The following TBX15 variants were observed in gnomAD, a reference collection of about 807,000 sequenced individuals.
TBX15 encodes T-box transcription factor TBX15.
In TBX15, 18 loss-of-function variants were observed where a neutral mutation model predicts 53.9. The ratio of observed to expected loss-of-function variants is 0.33; its 90% CI spans 0.23 to 0.49. The LOEUF (loss-of-function observed/expected upper bound fraction) is 0.49, where lower values mean the gene tolerates loss of function less well. Among genes scored for constraint, TBX15 ranks in the 20% least tolerant of loss-of-function variants. TBX15 has a pLI of 0.98. For missense variants in TBX15, 692 were observed against 749.5 expected, an observed-to-expected ratio of 0.92 and a Z score of 0.90; for synonymous variants, 295 against 278.0, an observed-to-expected ratio of 1.06 and a Z score of -0.61.
intron 6 of TBX15, among the ~76,000 whole-genome samples, chr1:118,912,221 G>A (rs1655048826): frequency 6.6e-6 from 1 of 152,004 alleles, no homozygotes; most frequent in South Asian, 2.1e-4. Context: ...ACAGAAGGAA[G>A]GAAAAAGAAA....
chr1:118,959,816 C>T (rs1385112772), intron 1 of TBX15, among the ~76,000 whole-genome samples: 1 of 152,142 alleles, frequency 6.6e-6, no homozygotes, highest in African/African-American at 2.4e-5. Flanking sequence ...TCCAAAGATG[C>T]TCTGATTACA....
chr1:118,885,632 A>G, intron 7 of TBX15, 116 bp from the exon 8 acceptor site: 1 of 1,305,522 alleles, frequency 7.7e-7, no homozygotes, highest in South Asian at 1.3e-5. Flanking sequence ...GCTGATTTTT[A>G]CAGAACCATT....
chr1:118,959,151 T>A (rs1656786807), intron 1 of TBX15, among the ~76,000 whole-genome samples: 1 of 150,718 alleles, frequency 6.6e-6, no homozygotes. Context: ...TGGAATAGAG[T>A]GGGAAATGTC....
At chr1:118,927,501 A>T (rs940938822) in intron 2 of TBX15, among the ~76,000 whole-genome samples, 1 of 152,234 alleles carries the variant, frequency 6.6e-6, no homozygotes, top group Non-Finnish European at 1.5e-5. Context: ...AAGAGCCACC[A>T]AGATTTTTTA....
chr1:118,887,933 A>C (rs1395322433), intron 7 of TBX15, among the ~76,000 whole-genome samples: 1 of 152,228 alleles, frequency 6.6e-6, no homozygotes, highest in Non-Finnish European at 1.5e-5. Flanking sequence ...GACAAAGCCT[A>C]ACTAATAACG....
At chr1:118,920,397 G>C (rs1353026678) in intron 5 of TBX15, among the ~76,000 whole-genome samples, 2 of 152,120 alleles carry the variant, frequency 1.3e-5, no homozygotes, top group African/African-American at 4.8e-5. Flanking sequence ...AAACAAAAGG[G>C]AAGGGCATTC....
rs1653901759 is a variant in TBX15 at position 118,885,351 on chromosome 1, G to C, written c.1190C>G (p.Ser397Cys). Residue 397 changes from serine to cysteine, a missense_variant, in exon 8 of 8, where the codon TCT (serine) becomes TGT (cysteine). Ser to Cys is a moderately radical substitution (Grantham distance 112). Around this residue, in one of 3 missense-constraint regions of TBX15, gnomAD observed 375 missense variants for 371.6 expected, o/e 1.01. Coordinates refer to ENST00000369429, the MANE Select transcript of TBX15 (RefSeq NM_001330677.2). ...RESQLCNLNLSDYPPCARSNM... is the reference protein window; with the variant it reads ...RESQLCNLNLCDYPPCARSNM... ...GCTTCGGGCACATGGTGGATAATCA[G>C]AGAGGTTTAGATTACACAGCTGGCT... 6.2e-7 allele frequency: 1 copy of C among 1,613,910 alleles called. No individual in the cohort carries two copies. Among genetic ancestry groups the C allele is most frequent in the Non-Finnish European group, 8.5e-7 (1 of 1,180,034 alleles).
At chr1:118,983,381 G>C (rs1050188083) in intron 1 of TBX15, among the ~76,000 whole-genome samples, 6 of 152,146 alleles carry the variant, frequency 3.9e-5, no homozygotes, top group African/African-American at 1.4e-4. Flanking sequence ...GCCGGGGCCG[G>C]AGTTTTACAT....
At position 118,903,092 on chromosome 1, in the gene TBX15, C is replaced by T. The variant is rs182687349; in HGVS notation, c.927-3967G>A. On this transcript the variant is annotated intron_variant, in intron 6 of 7. Coordinates refer to ENST00000369429, the MANE Select transcript of TBX15 (RefSeq NM_001330677.2). Reference sequence around the variant, plus strand: ...TGTCCCCCTCTTGCTCATTTTTTCCCTGTTAGCTCCATTGACAACATAGGC... The same window carrying T: ...TGTCCCCCTCTTGCTCATTTTTTCCTTGTTAGCTCCATTGACAACATAGGC... Among the ~76,000 whole-genome samples the T allele has an allele frequency of 6.6e-4, 101 of 152,186 alleles. No individual in the cohort carries two copies. In the Middle Eastern group the frequency reaches 0.017, roughly 26 times the overall value.
rs76285503 is a variant in TBX15 at position 118,905,916 on chromosome 1, A to G, written c.927-6791T>C. On this transcript the variant is annotated intron_variant, in intron 6 of 7. Coordinates refer to ENST00000369429, the MANE Select transcript of TBX15 (RefSeq NM_001330677.2). ...GGAGCCAGAGGTGGACAAAGATACA[A>G]TTTCTGTTAACTAGCAAGCTATGCC... is the stretch of plus-strand genomic sequence containing the variant. Among the ~76,000 whole-genome samples, 393 of 152,304 alleles carry G rather than the reference A, an allele frequency of 2.6e-3. 1 individual carries two copies. Among genetic ancestry groups the G allele is most frequent in the African/African-American group, 9.0e-3 (373 of 41,568 alleles).
intron 5 of TBX15, among the ~76,000 whole-genome samples, chr1:118,917,972 C>T (rs925850472): frequency 1.3e-5 from 2 of 152,156 alleles, no homozygotes; most frequent in Non-Finnish European, 2.9e-5. Flanking sequence ...TGAGATGCTC[C>T]CAGTTCTGGA....
At chr1:118,944,174 TCCTC>T (rs1365260451) in intron 1 of TBX15, among the ~76,000 whole-genome samples, 1 of 152,082 alleles carries the variant, frequency 6.6e-6, no homozygotes, top group African/African-American at 2.4e-5. Context: ...GGAAAAGTCT[TCCTC>T]CCAAGTCTCT....
At chr1:118,980,398 A>C (rs1179621171) in intron 1 of TBX15, among the ~76,000 whole-genome samples, 1 of 151,678 alleles carries the variant, frequency 6.6e-6, no homozygotes, top group African/African-American at 2.4e-5. Flanking sequence ...TTCCAAGGGA[A>C]CTCTACTCGT....
intron 1 of TBX15, among the ~76,000 whole-genome samples, chr1:118,965,155 C>A (rs1656999050): frequency 6.6e-6 from 1 of 152,200 alleles, no homozygotes. Context: ...GCCTCCGGCA[C>A]TGAAGACTTG....
At chr1:118,899,447 G>C (rs1164560574) in intron 6 of TBX15, among the ~76,000 whole-genome samples, 1 of 152,160 alleles carries the variant, frequency 6.6e-6, no homozygotes, top group African/African-American at 2.4e-5. Context: ...CTAATATCAT[G>C]AGTACAGTTG....
intron 5 of TBX15, among the ~76,000 whole-genome samples, chr1:118,920,694 G>A (rs1326453784): frequency 6.6e-6 from 1 of 152,150 alleles, no homozygotes; most frequent in Non-Finnish European, 1.5e-5. Flanking sequence ...GAGACATTAA[G>A]CTTGCAGTCC....
chr1:118,909,708 C>T (rs977749402), intron 6 of TBX15, among the ~76,000 whole-genome samples: 1 of 152,174 alleles, frequency 6.6e-6, no homozygotes, highest in African/African-American at 2.4e-5. Flanking sequence ...TCAGCGCCCC[C>T]AGTAGCTGGG....
chr1:118,962,646 A>G (rs944837728), intron 1 of TBX15, among the ~76,000 whole-genome samples: 2 of 152,218 alleles, frequency 1.3e-5, no homozygotes, highest in African/African-American at 4.8e-5. Flanking sequence ...ACCAAGTGCT[A>G]AACTGAAGTT....
At chr1:118,886,843 C>A (rs1414590046) in intron 7 of TBX15, among the ~76,000 whole-genome samples, 2 of 152,184 alleles carry the variant, frequency 1.3e-5, no homozygotes, top group African/African-American at 4.8e-5. Flanking sequence ...AGAGGAACTC[C>A]AGATTCCTTT....
Sources: gnomAD v4.1 joint callset for allele counts (sites outside exome capture counted in the v4.1 genomes callset) on GRCh38, gnomAD v4.1.1 for gene constraint, gnomAD v4.1.1 regional missense constraint, MANE v1.5 for transcripts, NCBI Gene and HGNC (gene_info 2026-07-23, HGNC 2026-07-21) for gene names.